The following MGST1 variants were observed in gnomAD, a reference collection of about 807,000 sequenced individuals.
MGST1 encodes the protein microsomal glutathione S-transferase 1, also known as glutathione S-transferase 12.
In MGST1, 5 loss-of-function variants were observed where a neutral mutation model predicts 8.9. That is an observed-to-expected ratio of 0.56 (90% confidence interval 0.29 to 1.19). The LOEUF (loss-of-function observed/expected upper bound fraction) is 1.19. Ranked by LOEUF, MGST1 falls within the 50% of genes most tolerant of loss-of-function variation. The pLI, the probability that MGST1 is intolerant of heterozygous loss-of-function variation, is 0.08. For missense variants in MGST1, 182 were observed against 187.4 expected (o/e 0.97, Z 0.17); for synonymous variants, 54 against 67.8 (o/e 0.80, Z 1.00).
In MGST1 at chr12:16,537,840, A is replaced by T. The variant is rs1941764908; in HGVS notation, n.483-51688A>T. ...GCCCAGGAAACCATTTTTTCCTCCT[A>T]GCCTTCCCGGTCTGTGATGGGAGGG... On this transcript the variant is annotated intron_variant and non_coding_transcript_variant, in intron 4 of 4. Coordinates refer to the MGST1 transcript ENST00000538857. The surrounding 1 kb of genome is among the most constrained non-coding windows in gnomAD (Gnocchi z 4.6). Among the ~76,000 whole-genome samples, 1 of 152,044 alleles carries T rather than the reference A, an allele frequency of 6.6e-6. No homozygotes were observed. Among genetic ancestry groups the T allele is most frequent in the African/African-American group, 2.4e-5 (1 of 41,406 alleles).
In MGST1 at chr12:16,584,437, A is replaced by T. The variant is rs1943254773; in HGVS notation, n.483-5091A>T. On this transcript the variant is annotated intron_variant and non_coding_transcript_variant, in intron 4 of 4. Transcript: ENST00000538857. The surrounding 1 kb of genome is among the most constrained non-coding windows in gnomAD (Gnocchi z 5.2). ...AAGGCATCTGGCCAAAAGATTGTGG[A>T]CACAGCAAAAGTTATTGACAAGGAC... 6.6e-6 allele frequency among the ~76,000 whole-genome samples: 1 copy of T among 152,218 alleles called. No homozygotes were observed. Among genetic ancestry groups the T allele is most frequent in the South Asian group, 2.1e-4 (1 of 4,832 alleles).
chr12:16,516,182 A>G (rs1358933351), intron 4 of MGST1, among the ~76,000 whole-genome samples: 1 of 152,160 alleles, frequency 6.6e-6, no homozygotes, highest in South Asian at 2.1e-4. Context: ...CCTCTTTAGC[A>G]TGAGCTGTAG....
At chr12:16,349,132 A>T (rs1032650848) in intron 1 of MGST1, 5 of 152,216 alleles carry the variant, frequency 3.3e-5, no homozygotes, top group South Asian at 2.1e-4. Context: ...CCACCGAATT[A>T]TCTTTTTTCT....
intron 4 of MGST1, among the ~76,000 whole-genome samples, chr12:16,532,990 G>T (rs1338781391): frequency 2.6e-5 from 4 of 152,132 alleles, no homozygotes; most frequent in Non-Finnish European, 4.4e-5. Flanking sequence ...CTCAGGTGAA[G>T]CTAAGGAAAA....
Position 16,555,470 on chromosome 12 carries a change from A to C in MGST1, n.483-34058A>C, listed in dbSNP as rs1942159060. On this transcript the variant is annotated intron_variant and non_coding_transcript_variant, in intron 4 of 4. Transcript: ENST00000538857. The surrounding 1 kb of genome is among the most constrained non-coding windows in gnomAD (Gnocchi z 5.5). ...ATATTTCTTTTGAACCCTTTGCAGA[A>C]CCATCATAAACTGTACTACCACTTA... Among the ~76,000 whole-genome samples, 1 of 152,226 alleles carries C rather than the reference A, an allele frequency of 6.6e-6. No individual in the cohort carries two copies. Among genetic ancestry groups the C allele is most frequent in the Admixed American group, 6.5e-5 (1 of 15,286 alleles).
In MGST1 at chr12:16,428,216, T is replaced by A. The variant is rs186376913; in HGVS notation, n.779-9172T>A. Among the ~76,000 whole-genome samples, 524 of 149,522 alleles carry A rather than the reference T, an allele frequency of 3.5e-3. 6 individuals carry two copies. Among genetic ancestry groups the A allele is most frequent in the African/African-American group, 0.012 (492 of 40,456 alleles). ...TTATTTTTTAGCTGACTTAAAAATA[T>A]TTTTTTTTTCGCCTTTTTTGAGGGA... On this transcript the variant is annotated intron_variant and non_coding_transcript_variant, in intron 1 of 1. Coordinates refer to the MGST1 transcript ENST00000359720.
At chr12:16,505,406 T>A (rs1245489663) in intron 4 of MGST1, among the ~76,000 whole-genome samples, 1 of 152,188 alleles carries the variant, frequency 6.6e-6, no homozygotes, top group Admixed American at 6.5e-5. Flanking sequence ...CTTCAGCTTG[T>A]CAGGTTCTTA....
intron 4 of MGST1, among the ~76,000 whole-genome samples, chr12:16,580,985 G>A (rs1009157497): frequency 1.2e-4 from 19 of 152,122 alleles, no homozygotes; most frequent in African/African-American, 4.6e-4. Context: ...TATGTTTGTT[G>A]TGCTATTTTA....
chr12:16,551,165 G>A, intron 4 of MGST1: 1 of 1,115,124 alleles, frequency 9.0e-7, no homozygotes, highest in Non-Finnish European at 1.4e-6. Flanking sequence ...TACATGTGGA[G>A]CAAAAAAGAT....
chr12:16,445,846 C>T (rs1327853197), intron 4 of MGST1, among the ~76,000 whole-genome samples: 1 of 151,926 alleles, frequency 6.6e-6, no homozygotes, highest in African/African-American at 2.4e-5. Context: ...AAGGACGACA[C>T]TAATATCCTT....
In MGST1 at chr12:16,401,108, T is replaced by C. The variant is rs879111707; in HGVS notation, n.778+17504T>C. 1 of 1,580,678 alleles carries C rather than the reference T, an allele frequency of 6.3e-7. No homozygotes were observed. Among genetic ancestry groups the C allele is most frequent in the South Asian group, 1.1e-5 (1 of 90,350 alleles). ...GCCTCATCTTTCTCCTCCTCCTCCT[T>C]TTCCTCATCTTCGTTCCTTAGGAAA... is the stretch of plus-strand genomic sequence containing the variant. On this transcript the variant is annotated intron_variant and non_coding_transcript_variant, in intron 1 of 1. Transcript: ENST00000359720. This position sits in a 1 kb window ranked among gnomAD's most constrained non-coding sequence, Gnocchi z 4.3.
intron 1 of MGST1, among the ~76,000 whole-genome samples, chr12:16,351,340 A>G (rs2136919611): frequency 6.6e-6 from 1 of 152,336 alleles, no homozygotes; most frequent in South Asian, 2.1e-4. Flanking sequence ...AAGCAGACAC[A>G]TTAAATGTTA....
At chr12:16,440,235 A>C (rs1941027409), downstream of MGST1, among the ~76,000 whole-genome samples, 1 of 146,618 alleles carries the variant, frequency 6.8e-6, no homozygotes. Context: ...TTATATTAAG[A>C]AATGTGTGTG....
Position 16,527,040 on chromosome 12 carries a change from C to A in MGST1, n.483-62488C>A, listed in dbSNP as rs146593338. The stretch of plus-strand genomic sequence containing the variant: ...GCAGAAGAATTCCTAGGCTGTGGCA[C>A]CACTTAGCTCTAGGTTACAGATGAG... On this transcript the variant is annotated intron_variant and non_coding_transcript_variant, in intron 4 of 4. Coordinates refer to the MGST1 transcript ENST00000538857. Among the ~76,000 whole-genome samples, 7 of 152,086 alleles carry A rather than the reference C, an allele frequency of 4.6e-5. No homozygotes were observed. The East Asian group carries it at 1.4e-3, about 29-fold the overall frequency.
rs1209610730 is a variant in MGST1, at chr12:16,560,570, A to T, written n.483-28958A>T. On this transcript the variant is annotated intron_variant and non_coding_transcript_variant, in intron 4 of 4. Coordinates refer to the MGST1 transcript ENST00000538857. This position sits in a 1 kb window ranked among gnomAD's most constrained non-coding sequence, Gnocchi z 5.0. ...TAAGAAACATTTTTTTTTTTTTACA[A>T]ACTCTTACAGAGAAATCTGAGATCG... 6.3e-7 allele frequency: 1 copy of T among 1,586,786 alleles called. No individual in the cohort carries two copies. The highest frequency in any genetic ancestry group is 8.6e-7 in the Non-Finnish European group (1 of 1,161,010).
chr12:16,460,738 G>GT (rs1941212618), intron 4 of MGST1, among the ~76,000 whole-genome samples: 1 of 151,218 alleles, frequency 6.6e-6, no homozygotes, highest in Non-Finnish European at 1.5e-5. Context: ...TAATAGCCTT[G>GT]TTTTTAAAAA....
rs532143614 is a variant in MGST1 at position 16,547,011 on chromosome 12, C to T, written n.483-42517C>T. On this transcript the variant is annotated intron_variant and non_coding_transcript_variant, in intron 4 of 4. Transcript: ENST00000538857. This position sits in a 1 kb window ranked among gnomAD's most constrained non-coding sequence, Gnocchi z 4.6. ...CAGCTATTCTTTGTACTGTTCAACACGAAAGTCTTACATCTTGATTATAAA... is the reference window on the plus strand; with the variant it reads ...CAGCTATTCTTTGTACTGTTCAACATGAAAGTCTTACATCTTGATTATAAA... 2.6e-5 allele frequency among the ~76,000 whole-genome samples: 4 copies of T among 152,174 alleles called. No individual in the cohort carries two copies. The highest frequency in any genetic ancestry group is 6.5e-5 in the Admixed American group (1 of 15,278).
At chr12:16,541,918 T>C (rs1941795639) in intron 4 of MGST1, among the ~76,000 whole-genome samples, 1 of 152,166 alleles carries the variant, frequency 6.6e-6, no homozygotes, top group Non-Finnish European at 1.5e-5. Context: ...GTAACAAAAG[T>C]AAGTCAGTCA....
chr12:16,357,875 T>C (rs1939795715), intron 3 of MGST1, among the ~76,000 whole-genome samples, 176 bp downstream of exon 3: 1 of 151,792 alleles, frequency 6.6e-6, no homozygotes. Context: ...CTTGTATGTG[T>C]TGCCAATTTG....
Sources: allele counts gnomAD v4.1 joint callset (sites outside exome capture counted in the v4.1 genomes callset), GRCh38; gene constraint gnomAD v4.1.1; non-coding constraint Gnocchi (gnomAD v3.1); transcripts MANE v1.5; gene names NCBI Gene and HGNC (gene_info 2026-07-23, HGNC 2026-07-21).